Variants in GRIA3 observed in about 807,000 individuals in gnomAD.
The protein encoded by GRIA3 is glutamate ionotropic receptor AMPA type subunit 3, also known as glutamate receptor 3.
GRIA3 carries 3 observed loss-of-function variants against 63.0 expected under a neutral mutation model. That is an observed-to-expected ratio of 0.05 (90% CI 0.02 to 0.12). The LOEUF (loss-of-function observed/expected upper bound fraction) is 0.12. Among genes scored for constraint, GRIA3 ranks in the 10% least tolerant of loss-of-function variants. The probability of loss-of-function intolerance (pLI) is 1.00; values close to 1 mark genes in which losing one functional copy is unlikely to be tolerated. For missense variants in GRIA3, 347 were observed against 700.9 expected, an observed-to-expected ratio of 0.50 and a Z score of 5.70; for synonymous variants, 274 against 257.9, an observed-to-expected ratio of 1.06 and a Z score of -0.60.
At chrX:123,479,551 G>T (rs763709554) in intron 13 of GRIA3, among the ~76,000 whole-genome samples, 17 of 112,046 alleles carry the variant, frequency 1.5e-4, no homozygotes, top group Non-Finnish European at 1.9e-5. Context: ...TAGAAGGCAT[G>T]TTATTTATGT....
chrX:123,237,447 G>A (rs891986954), intron 2 of GRIA3, among the ~76,000 whole-genome samples: 7 of 111,929 alleles, frequency 6.3e-5, no homozygotes, highest in Non-Finnish European at 1.3e-4. Flanking sequence ...CAGTCACTGC[G>A]TTCCAATATC....
At chrX:123,369,339 C>A (rs765335093) in intron 5 of GRIA3, among the ~76,000 whole-genome samples, 6 of 112,261 alleles carry the variant, frequency 5.3e-5, no homozygotes, top group Non-Finnish European at 1.1e-4. Context: ...AAACATCTCT[C>A]TTTTTTGTAG....
At chrX:123,203,749 GGAGAAAGTTTGGGCTCCAATATTA>G (rs1927808653) in intron 2 of GRIA3, among the ~76,000 whole-genome samples, 1 of 112,097 alleles carries the variant, frequency 8.9e-6, no homozygotes, top group African/African-American at 3.2e-5. Flanking sequence ...TAGCAAGGTT[GGAGAAAGTTTGGGCTCCAATATTA>G]GAGACAGCAT....
intron 3 of GRIA3, among the ~76,000 whole-genome samples, chrX:123,305,317 T>C (rs2078244669): frequency 1.8e-5 from 2 of 111,840 alleles, no homozygotes; most frequent in Admixed American, 1.9e-4. Context: ...AAGAGTGTCA[T>C]GCCAAGACTT....
intron 2 of GRIA3, among the ~76,000 whole-genome samples, chrX:123,252,712 G>A (rs1041488755): frequency 1.2e-4 from 13 of 111,667 alleles, no homozygotes; most frequent in East Asian, 2.8e-4. Flanking sequence ...CCTGTGACTC[G>A]ATGAGCACTG....
chrX:123,238,136 C>T (rs1251008124), intron 2 of GRIA3, among the ~76,000 whole-genome samples: 2 of 111,764 alleles, frequency 1.8e-5, no homozygotes, highest in East Asian at 2.8e-4. Flanking sequence ...CAGCACTGAA[C>T]CTAACTCTAT....
intron 5 of GRIA3, chrX:123,358,909 G>C (rs774091130): frequency 4.8e-4 from 53 of 111,285 alleles, no homozygotes; most frequent in African/African-American, 1.6e-3. Flanking sequence ...ACTGTGTGTA[G>C]AGCCCTAGAG....
chrX:123,277,184 C>A (rs927801934), intron 3 of GRIA3, among the ~76,000 whole-genome samples: 11 of 110,161 alleles, frequency 1.0e-4, no homozygotes, highest in Non-Finnish European at 1.9e-4. Context: ...TGTTTTGATA[C>A]AGACATGCAA....
At chrX:123,385,236 C>A (rs1290902849) in intron 5 of GRIA3, among the ~76,000 whole-genome samples, 1 of 112,236 alleles carries the variant, frequency 8.9e-6, no homozygotes, top group Non-Finnish European at 1.9e-5. Context: ...CTTCTCCTAG[C>A]ACCACTTATT....
chrX:123,359,937 G>C (rs2045158190), intron 5 of GRIA3, among the ~76,000 whole-genome samples: 1 of 111,883 alleles, frequency 8.9e-6, no homozygotes, highest in Non-Finnish European at 1.9e-5. Flanking sequence ...GCTGTTAGCA[G>C]TAGAGAGCTA....
chrX:123,487,538 G>A (rs1412293450), intron 15 of GRIA3, among the ~76,000 whole-genome samples: 1 of 111,655 alleles, frequency 9.0e-6, no homozygotes, highest in Non-Finnish European at 1.9e-5. Context: ...AAGCATTCTG[G>A]ATAACCAAGG....
chrX:123,332,470 A>G (rs915389570), intron 4 of GRIA3, among the ~76,000 whole-genome samples: 8 of 111,420 alleles, frequency 7.2e-5, no homozygotes, highest in African/African-American at 2.3e-4. Flanking sequence ...CATTTTACAA[A>G]TGAGGAAATT....
chrX:123,219,010 G>A (rs1156516749), intron 2 of GRIA3, among the ~76,000 whole-genome samples: 1 of 111,825 alleles, frequency 8.9e-6, no homozygotes, highest in East Asian at 2.8e-4. Flanking sequence ...CTAGGCTGGA[G>A]GAGATGGCAC....
intron 4 of GRIA3, among the ~76,000 whole-genome samples, chrX:123,349,190 G>A (rs1248448141): frequency 8.9e-6 from 1 of 112,458 alleles, no homozygotes; most frequent in Non-Finnish European, 1.9e-5. Flanking sequence ...TTGTGAAGGA[G>A]TGAAATTTGA....
chrX:123,452,870 G>A (rs1332688825), intron 12 of GRIA3, among the ~76,000 whole-genome samples: 6 of 111,233 alleles, frequency 5.4e-5, no homozygotes, highest in African/African-American at 2.0e-4. Flanking sequence ...GAAAGGGTGT[G>A]GCAGACACAC....
chrX:123,445,414 T>C (rs2045698005), intron 12 of GRIA3, among the ~76,000 whole-genome samples: 1 of 112,095 alleles, frequency 8.9e-6, no homozygotes, highest in Admixed American at 9.4e-5. Context: ...ATACCTATTT[T>C]GCCCCTTGAC....
At chrX:123,208,698 C>T in intron 2 of GRIA3, among the ~76,000 whole-genome samples, 1 of 112,142 alleles carries the variant, frequency 8.9e-6, no homozygotes, top group Non-Finnish European at 1.9e-5. Flanking sequence ...TCTTTTCCCA[C>T]CTACCCTCAG....
At chrX:123,351,046 G>A (rs1301291242) in intron 4 of GRIA3, among the ~76,000 whole-genome samples, 3 of 111,933 alleles carry the variant, frequency 2.7e-5, no homozygotes, top group African/African-American at 9.7e-5. Flanking sequence ...TTTCATGGTC[G>A]ACTGTAAAAA....
chrX:123,408,694 C>T (rs1219632015), intron 10 of GRIA3, among the ~76,000 whole-genome samples: 1 of 111,879 alleles, frequency 8.9e-6, no homozygotes, highest in Non-Finnish European at 1.9e-5. Context: ...CTACTAAAGA[C>T]AAAAGCAATA....
Sources: gnomAD v4.1 joint callset for allele counts (sites outside exome capture counted in the v4.1 genomes callset) on GRCh38, gnomAD v4.1.1 for gene constraint, MANE v1.5 for transcripts, NCBI Gene and HGNC (gene_info 2026-07-23, HGNC 2026-07-21) for gene names.